Variants in IGSF21 observed in about 807,000 individuals in gnomAD.
IGSF21 encodes the protein immunoglobulin superfamily member 21.
IGSF21 carries 28 observed loss-of-function variants against 46.8 expected under a neutral mutation model. That is an observed-to-expected ratio of 0.60 (90% CI 0.44 to 0.82). IGSF21 has a LOEUF of 0.82. Among genes scored for constraint, IGSF21 ranks in the 40% least tolerant of loss-of-function variants. The pLI, the probability that IGSF21 is intolerant of heterozygous loss-of-function variation, is 0.00. For synonymous variants in IGSF21, 284 were observed against 273.6 expected, an observed-to-expected ratio of 1.04 and a Z score of -0.38; for missense variants, 624 against 665.5, an observed-to-expected ratio of 0.94 and a Z score of 0.69.
rs955800559 is a variant in IGSF21, at chr1:18,335,078, T to A, written c.424+68T>A. 4 of 1,270,650 alleles carry A rather than the reference T, an allele frequency of 3.1e-6. No individual in the cohort carries two copies. The highest frequency in any genetic ancestry group is 4.6e-6 in the Non-Finnish European group (4 of 870,636). 78.7% of individuals were successfully genotyped at this position (1,270,650 alleles called of 1,614,324 possible). ...ACGAGTATGCTTGAGTGTGTGAATG[T>A]GCGCACAGAGTGGCCATCCTGGGGG... On this transcript the variant is annotated intron_variant, in intron 4 of 9. Coordinates refer to ENST00000251296, the MANE Select transcript of IGSF21 (RefSeq NM_032880.5). The surrounding 1 kb of genome is among the most constrained non-coding windows in gnomAD (Gnocchi z 4.8).
In IGSF21 at chr1:18,122,661, C is replaced by A. The variant is rs1424985609; in HGVS notation, c.70+14463C>A. Among the ~76,000 whole-genome samples the A allele has an allele frequency of 3.4e-5, 5 of 149,036 alleles. No individual in the cohort carries two copies. In the South Asian group the frequency reaches 1.1e-3, roughly 32 times the overall value. On this transcript the variant is annotated intron_variant, in intron 1 of 9. Transcript: ENST00000251296. The stretch of plus-strand genomic sequence containing the variant: ...TTTGAGATGGAGTCTCGCTCTGTCA[C>A]CCAGGCTGGAGTGCAGTGGCACGGT...
At chr1:18,131,358 CTGTCATATAAAGTGAACGG>C (rs1308427361) in intron 1 of IGSF21, among the ~76,000 whole-genome samples, 2 of 152,222 alleles carry the variant, frequency 1.3e-5, no homozygotes, top group Non-Finnish European at 2.9e-5. Context: ...TAGGAGCACA[CTGTCATATAAAGTGAACGG>C]ATGAAGGATG....
intron 1 of IGSF21, among the ~76,000 whole-genome samples, chr1:18,216,200 G>A (rs893222244): frequency 6.7e-6 from 1 of 150,030 alleles, no homozygotes; most frequent in Middle Eastern, 3.4e-3. Flanking sequence ...TGAACTCAGA[G>A]GAGAAGGGTG....
In IGSF21 at chr1:18,367,075, G is replaced by A. The variant is rs2086174002; in HGVS notation, c.1015+1378G>A. Among the ~76,000 whole-genome samples the A allele has an allele frequency of 2.0e-5, 3 of 152,060 alleles. No individual in the cohort carries two copies. The South Asian group carries it at 6.2e-4, about 32-fold the overall frequency. The stretch of plus-strand genomic sequence containing the variant: ...TCCTCCCTGAGCCCGAGATGCCTGG[G>A]CTCATACTCCAAAACTCCTGTAGTG... On this transcript the variant is annotated intron_variant, in intron 6 of 9. Coordinates refer to ENST00000251296, the MANE Select transcript of IGSF21 (RefSeq NM_032880.5).
At chr1:18,173,999 C>T (rs1489510752) in intron 1 of IGSF21, among the ~76,000 whole-genome samples, 1 of 152,172 alleles carries the variant, frequency 6.6e-6, no homozygotes, top group Admixed American at 6.5e-5. Flanking sequence ...GGTGATTTGC[C>T]CTCCTCGGCC....
chr1:18,178,797 G>A (rs1348488333), intron 1 of IGSF21, among the ~76,000 whole-genome samples: 1 of 152,092 alleles, frequency 6.6e-6, no homozygotes, highest in Non-Finnish European at 1.5e-5. Flanking sequence ...CAGAGGACGG[G>A]TCTGTGCCTG....
chr1:18,168,414 A>G (rs2086700635), intron 1 of IGSF21, among the ~76,000 whole-genome samples: 3 of 152,020 alleles, frequency 2.0e-5, no homozygotes, highest in Admixed American at 6.6e-5. Context: ...TCAAAGCATC[A>G]CTCAGCTCCA....
At chr1:18,108,879 T>TG (rs2086115982) in intron 1 of IGSF21, among the ~76,000 whole-genome samples, 1 of 151,304 alleles carries the variant, frequency 6.6e-6, no homozygotes. Context: ...CTGGGAGTCG[T>TG]GGGCTTCATG....
At chr1:18,123,576 G>A (rs1179692568) in intron 1 of IGSF21, among the ~76,000 whole-genome samples, 1 of 152,196 alleles carries the variant, frequency 6.6e-6, no homozygotes, top group Non-Finnish European at 1.5e-5. Flanking sequence ...TAGGGAGAGT[G>A]CAGAAAAGGG....
intron 1 of IGSF21, among the ~76,000 whole-genome samples, chr1:18,157,677 G>A (rs2086580711): frequency 6.6e-6 from 1 of 152,132 alleles, no homozygotes; most frequent in African/African-American, 2.4e-5. Flanking sequence ...GCCACTAATG[G>A]GATGCTAAGT....
chr1:18,323,170 C>T (rs1436260155), intron 3 of IGSF21, among the ~76,000 whole-genome samples: 1 of 152,192 alleles, frequency 6.6e-6, no homozygotes, highest in Non-Finnish European at 1.5e-5. Flanking sequence ...GGTGCTTTCT[C>T]ACATTGGAAA....
intron 1 of IGSF21, among the ~76,000 whole-genome samples, chr1:18,117,755 T>A (rs928704153): frequency 1.6e-4 from 25 of 152,214 alleles, no homozygotes; most frequent in African/African-American, 6.0e-4. Context: ...GGTTTCCCCA[T>A]GTGGATCACT....
intron 1 of IGSF21, among the ~76,000 whole-genome samples, chr1:18,199,892 G>C (rs777557138): frequency 6.8e-6 from 1 of 146,236 alleles, no homozygotes; most frequent in Non-Finnish European, 1.5e-5. Context: ...GCTGCTCCCG[G>C]CCCCCCCCTA....
At chr1:18,312,214 A>G (rs1309381114) in intron 3 of IGSF21, among the ~76,000 whole-genome samples, 4 of 152,222 alleles carry the variant, frequency 2.6e-5, no homozygotes, top group African/African-American at 9.6e-5. Flanking sequence ...GAGGCAGTCA[A>G]TGCATATCTG....
intron 2 of IGSF21, among the ~76,000 whole-genome samples, chr1:18,279,822 G>C (rs983363074): frequency 6.6e-6 from 1 of 152,244 alleles, no homozygotes; most frequent in Non-Finnish European, 1.5e-5. Context: ...CGGTGCACCC[G>C]CCCCTCGTTT....
At position 18,359,383 on chromosome 1, in the gene IGSF21, A is replaced by AAAGAATGGAAGGAAGG. The variant is rs1557659626; in HGVS notation, c.425-2729_425-2728insAATGGAAGGAAGGAAG. ...GAAAGAAAGAAAGAAAGAAAGAAAG[A>AAAGAATGGAAGGAAGG]AAGGAAGGAAGGAAGGAAGGAAGGA... On this transcript the variant is annotated intron_variant, in intron 4 of 9. Coordinates refer to ENST00000251296, the MANE Select transcript of IGSF21 (RefSeq NM_032880.5). Among the ~76,000 whole-genome samples, 28 of 61,104 alleles carry AAAGAATGGAAGGAAGG rather than the reference A, an allele frequency of 4.6e-4. 1 individual carries two copies. Among genetic ancestry groups the AAAGAATGGAAGGAAGG allele is most frequent in the African/African-American group, 1.5e-3 (23 of 14,970 alleles). 40.1% of individuals were successfully genotyped at this position (61,104 alleles called of 152,430 possible).
At chr1:18,273,977 T>TG (rs2085076458) in intron 2 of IGSF21, among the ~76,000 whole-genome samples, 1 of 152,146 alleles carries the variant, frequency 6.6e-6, no homozygotes, top group Admixed American at 6.6e-5. Context: ...CTCTATGTGT[T>TG]GGGGGAAATC....
At chr1:18,200,301 C>T (rs758670282) in intron 1 of IGSF21, among the ~76,000 whole-genome samples, 8 of 152,208 alleles carry the variant, frequency 5.3e-5, no homozygotes, top group Admixed American at 1.3e-4. Flanking sequence ...AGGTAGACAG[C>T]GCCCCCCTTT....
chr1:18,365,765 G>A lies in IGSF21; in HGVS notation c.1015+68G>A, dbSNP rs191540735. ...TGGGTGTGGGGAGAGCCTTGGAATA[G>A]GGTTCCTGGGCTGAGGACAGCCATG... On this transcript the variant is annotated intron_variant, in intron 6 of 9. Transcript: ENST00000251296. This position sits in a 1 kb window ranked among gnomAD's most constrained non-coding sequence, Gnocchi z 4.8. 1.5e-4 allele frequency: 196 copies of A among 1,345,526 alleles called. No individual in the cohort carries two copies. In the African/African-American group the frequency reaches 2.4e-3, roughly 16 times the overall value. The allele number at this position is 1,345,526 out of a possible 1,614,324, so 83.3% of individuals were successfully genotyped here. A position where few individuals can be genotyped will look rare whatever the true frequency, so the allele number is the denominator to read the frequency against.
Sources: gnomAD v4.1 joint callset for allele counts (sites outside exome capture counted in the v4.1 genomes callset) on GRCh38, gnomAD v4.1.1 for gene constraint, Gnocchi (gnomAD v3.1) non-coding constraint, MANE v1.5 for transcripts, NCBI Gene and HGNC (gene_info 2026-07-23, HGNC 2026-07-21) for gene names.